Variants in MTHFD2L observed in about 807,000 individuals in gnomAD.
The protein encoded by MTHFD2L is methylenetetrahydrofolate dehydrogenase (NADP+ dependent) 2 like.
In MTHFD2L, 29 loss-of-function variants were observed where a neutral mutation model predicts 34.9. The ratio of observed to expected loss-of-function variants is 0.83; its 90% CI spans 0.62 to 1.13. MTHFD2L has a LOEUF of 1.13. Ranked by LOEUF, MTHFD2L falls within the 50% of genes most tolerant of loss-of-function variation. The pLI is 0.00. For missense variants in MTHFD2L, 481 were observed against 446.5 expected, an observed-to-expected ratio of 1.08 and a Z score of -0.70; for synonymous variants, 167 against 155.7, an observed-to-expected ratio of 1.07 and a Z score of -0.54.
chr4:74,158,224 T>C lies in MTHFD2L; in HGVS notation c.86T>C (p.Val29Ala). Reference protein sequence around the residue: ...PALGRSTAPSVRAPGEPGSAF... With the variant: ...PALGRSTAPSARAPGEPGSAF... Reference sequence around the variant, plus strand: ...TTGGGCAGAAGCACAGCACCCTCCGTAAGGGCACCGGGAGAGCCCGGGAGT... The same window carrying C: ...TTGGGCAGAAGCACAGCACCCTCCGCAAGGGCACCGGGAGAGCCCGGGAGT... The change falls in exon 1 of 8, where the codon GTA becomes GCA. Residue 29 changes from valine (V) to alanine (A), a missense_variant. Physicochemically the swap from Val to Ala is moderately conservative, Grantham distance 64. Coordinates refer to ENST00000325278, the MANE Select transcript of MTHFD2L (RefSeq NM_001144978.3). 1 of 1,507,230 alleles carries C rather than the reference T, an allele frequency of 6.6e-7. No individual in the cohort carries two copies. The highest frequency in any genetic ancestry group is 8.9e-7 in the Non-Finnish European group (1 of 1,128,500). 93.4% of individuals were successfully genotyped at this position (1,507,230 alleles called of 1,614,324 possible). A position where few individuals can be genotyped will look rare whatever the true frequency, so the allele number is the denominator to read the frequency against.
intron 6 of MTHFD2L, chr4:74,267,794 G>T (rs1745501149): frequency 2.0e-6 from 2 of 985,318 alleles, no homozygotes; most frequent in Non-Finnish European, 2.4e-6. Context: ...CATTGACTTT[G>T]CAGAAATATG....
chr4:74,300,920 G>C (rs963197055), intron 7 of MTHFD2L, among the ~76,000 whole-genome samples: 2 of 152,088 alleles, frequency 1.3e-5, no homozygotes, highest in African/African-American at 4.8e-5. Flanking sequence ...ACATTGTAGA[G>C]TATTGGTTGA....
chr4:74,243,486 C>T (rs1420770584), intron 6 of MTHFD2L, among the ~76,000 whole-genome samples: 1 of 151,744 alleles, frequency 6.6e-6, no homozygotes, highest in African/African-American at 2.4e-5. Flanking sequence ...CATTTCTGGA[C>T]TTTGCTGATT....
At position 74,201,384 on chromosome 4, in the gene MTHFD2L, T is replaced by G. The variant is rs750353993; in HGVS notation, c.712+14T>G. ...AACGGCCAGGAGGTAGGTAGAACCTTGCAGATTCTACACTCTCTCGCAGTA... is the reference window on the plus strand; with the variant it reads ...AACGGCCAGGAGGTAGGTAGAACCTGGCAGATTCTACACTCTCTCGCAGTA... On this transcript the variant is annotated intron_variant, in intron 5 of 7. Transcript: ENST00000325278. 3.7e-5 allele frequency: 58 copies of G among 1,562,070 alleles called. 1 individual carries two copies. The South Asian group carries it at 6.5e-4, about 18-fold the overall frequency.
At chr4:74,136,446 C>T (rs1406901436) in intron 1 of MTHFD2L, among the ~76,000 whole-genome samples, 2 of 151,914 alleles carry the variant, frequency 1.3e-5, no homozygotes, top group Non-Finnish European at 2.9e-5. Context: ...ACAAGAAAAA[C>T]TATAAAACTC....
At chr4:74,258,428 T>C (rs1299156217) in intron 6 of MTHFD2L, among the ~76,000 whole-genome samples, 1 of 151,946 alleles carries the variant, frequency 6.6e-6, no homozygotes, top group Non-Finnish European at 1.5e-5. Flanking sequence ...AGTTGATCCT[T>C]AAACAACATG....
rs1422396907 is a variant in MTHFD2L at position 74,174,808 on chromosome 4, A to G, written c.328+118A>G. The G allele has an allele frequency of 8.8e-6, 6 of 681,224 alleles. No homozygotes were observed. The Admixed American group carries it at 1.1e-4, about 13-fold the overall frequency. 42.2% of individuals were successfully genotyped at this position (681,224 alleles called of 1,614,324 possible). A position where few individuals can be genotyped will look rare whatever the true frequency, so the allele number is the denominator to read the frequency against. ...TGCCATTTGAATTGCATGTATTATTATTAAAGATTATTCAGTTACCAAAGC... is the reference window on the plus strand; with the variant it reads ...TGCCATTTGAATTGCATGTATTATTGTTAAAGATTATTCAGTTACCAAAGC... On this transcript the variant is annotated intron_variant, in intron 2 of 7. Coordinates refer to ENST00000325278, the MANE Select transcript of MTHFD2L (RefSeq NM_001144978.3).
chr4:74,179,509 AT>A (rs1729690122), intron 3 of MTHFD2L, among the ~76,000 whole-genome samples: 1 of 152,024 alleles, frequency 6.6e-6, no homozygotes, highest in Non-Finnish European at 1.5e-5. Flanking sequence ...ACTTTGGTAC[AT>A]TTTTGCTAGC....
At chr4:74,269,374 AT>A (rs1163144358) in intron 6 of MTHFD2L, among the ~76,000 whole-genome samples, 1 of 152,108 alleles carries the variant, frequency 6.6e-6, no homozygotes, top group Non-Finnish European at 1.5e-5. Flanking sequence ...TAACAATTCA[AT>A]TTCATATGCT....
chr4:74,285,865 C>T (rs1164052791), intron 7 of MTHFD2L, among the ~76,000 whole-genome samples: 3 of 152,062 alleles, frequency 2.0e-5, no homozygotes, highest in East Asian at 3.9e-4. Flanking sequence ...ATGCCATAAT[C>T]ACTTCTACAT....
At chr4:74,282,814 T>C (rs1375772460) in intron 7 of MTHFD2L, among the ~76,000 whole-genome samples, 2 of 152,162 alleles carry the variant, frequency 1.3e-5, no homozygotes, top group Non-Finnish European at 2.9e-5. Flanking sequence ...AGGCTGGCTC[T>C]TGACATGAAC....
intron 5 of MTHFD2L, among the ~76,000 whole-genome samples, chr4:74,202,250 G>A (rs995245097): frequency 3.9e-5 from 6 of 152,178 alleles, no homozygotes; most frequent in South Asian, 2.1e-4. Flanking sequence ...AAGCAATTAA[G>A]CACCCATGGT....
intron 6 of MTHFD2L, among the ~76,000 whole-genome samples, chr4:74,257,976 A>G (rs1164819931): frequency 6.6e-6 from 1 of 152,168 alleles, no homozygotes; most frequent in Non-Finnish European, 1.5e-5. Flanking sequence ...GCCATTGGGT[A>G]TATGAAAAAG....
upstream of MTHFD2L, among the ~76,000 whole-genome samples, chr4:74,155,738 T>C (rs1014898240): frequency 1.1e-4 from 17 of 152,024 alleles, no homozygotes; most frequent in Admixed American, 1.1e-3. Flanking sequence ...GTTGATAAAA[T>C]ATGAGGTAGC....
chr4:74,154,845 A>T (rs1050784123), upstream of MTHFD2L, among the ~76,000 whole-genome samples: 5 of 152,170 alleles, frequency 3.3e-5, no homozygotes, highest in Admixed American at 3.3e-4. Context: ...AAATATATGT[A>T]TGTAAACTAA....
chr4:74,282,896 C>T (rs1297468545), intron 7 of MTHFD2L, among the ~76,000 whole-genome samples: 1 of 152,044 alleles, frequency 6.6e-6, no homozygotes, highest in African/African-American at 2.4e-5. Context: ...AGGGAATGAC[C>T]TCATTTATTT....
chr4:74,286,698 A>T (rs1191383118), intron 7 of MTHFD2L, among the ~76,000 whole-genome samples: 1 of 152,152 alleles, frequency 6.6e-6, no homozygotes, highest in East Asian at 1.9e-4. Context: ...TAACGCAAAG[A>T]CATTTCTCTA....
At chr4:74,197,942 A>G (rs1733767990) in intron 3 of MTHFD2L, among the ~76,000 whole-genome samples, 1 of 152,194 alleles carries the variant, frequency 6.6e-6, no homozygotes, top group Non-Finnish European at 1.5e-5. Flanking sequence ...CATAAAAATG[A>G]TAAATGAATT....
chr4:74,242,640 C>A (rs911718811), intron 6 of MTHFD2L, among the ~76,000 whole-genome samples: 4 of 152,104 alleles, frequency 2.6e-5, no homozygotes, highest in East Asian at 1.9e-4. Flanking sequence ...GATATTGATT[C>A]TTTATTCTGT....
Sources: gnomAD v4.1 joint callset for allele counts (sites outside exome capture counted in the v4.1 genomes callset) on GRCh38, gnomAD v4.1.1 for gene constraint, MANE v1.5 for transcripts, NCBI Gene and HGNC (gene_info 2026-07-23, HGNC 2026-07-21) for gene names.